The following TULP4 variants were observed in gnomAD, a reference collection of about 807,000 sequenced individuals.
TULP4 encodes the protein tubby-related protein 4.
TULP4 carries 16 observed loss-of-function variants against 129.0 expected under a neutral mutation model. That is an observed-to-expected ratio of 0.12 (90% CI 0.08 to 0.19). The LOEUF is 0.19. TULP4 is among the 10% of genes least tolerant of loss of function. TULP4 has a pLI of 1.00. For missense variants in TULP4, 1,842 were observed against 2,059.1 expected (o/e 0.89, Z 2.04); for synonymous variants, 998 against 854.0 (o/e 1.17, Z -2.94).
In TULP4 at chr6:158,507,644, C is replaced by G. The variant is rs991527618; in HGVS notation, c.*950C>G. ...AGATCCTCACATGCTGAGAAACAGC[C>G]TCTACTCTCTCTGCCCCTTTTACTT... On this transcript the variant is annotated 3_prime_UTR_variant, in exon 14 of 14. Coordinates refer to ENST00000367097, the MANE Select transcript of TULP4 (RefSeq NM_020245.5). The G allele has an allele frequency of 6.6e-6, 1 of 152,142 alleles. No homozygotes were observed. The allele number at this position is 152,142 out of a possible 1,614,324, so 9.4% of individuals were successfully genotyped here.
intron 9 of TULP4, among the ~76,000 whole-genome samples, chr6:158,492,099 C>T (rs1780225025): frequency 1.3e-5 from 2 of 152,292 alleles, no homozygotes; most frequent in Middle Eastern, 3.4e-3. Context: ...ACCTTGTGAT[C>T]CGCCCGCCTT....
rs1307935162 is a variant in TULP4 at position 158,316,294 on chromosome 6, A to G, written c.252+2026A>G. Among the ~76,000 whole-genome samples the G allele has an allele frequency of 2.0e-5, 3 of 152,074 alleles. No homozygotes were observed. The East Asian group carries it at 5.8e-4, about 29-fold the overall frequency. The stretch of plus-strand genomic sequence containing the variant: ...TGTGCATTCAGAAGGTGGAATTTCT[A>G]AGTCATAGTGTTGCATGTGTTTAGG... On this transcript the variant is annotated intron_variant, in intron 1 of 13. Coordinates refer to ENST00000367097, the MANE Select transcript of TULP4 (RefSeq NM_020245.5).
At chr6:158,351,308 T>C (rs997847786) in intron 1 of TULP4, among the ~76,000 whole-genome samples, 3 of 152,208 alleles carry the variant, frequency 2.0e-5, no homozygotes, top group Non-Finnish European at 2.9e-5. Context: ...GATGAGCATT[T>C]CTTAGCCTTG....
chr6:158,271,400 G>A (rs991882749), intron 1 of TULP4, among the ~76,000 whole-genome samples: 25 of 151,780 alleles, frequency 1.6e-4, no homozygotes, highest in African/African-American at 5.8e-4. Flanking sequence ...TTTGTCTCTT[G>A]TAGCTCAGAT....
intron 1 of TULP4, among the ~76,000 whole-genome samples, chr6:158,392,211 T>C (rs1777599408): frequency 1.3e-5 from 2 of 152,110 alleles, no homozygotes; most frequent in Admixed American, 6.5e-5. Context: ...ACTAATCTTT[T>C]TAAAACCATC....
chr6:158,273,459 C>T (rs1434622875), intron 1 of TULP4, among the ~76,000 whole-genome samples: 2 of 152,122 alleles, frequency 1.3e-5, no homozygotes, highest in Admixed American at 1.3e-4. Context: ...ACCTTTATGT[C>T]GATGACACTG....
chr6:158,496,198 G>A (rs185274055), intron 11 of TULP4, among the ~76,000 whole-genome samples: 30 of 152,322 alleles, frequency 2.0e-4, no homozygotes, highest in Middle Eastern at 6.8e-3. Context: ...TGTCGTACAC[G>A]TCTGTCTGCA....
At chr6:158,301,856 G>A (rs4292552) in intron 1 of TULP4, among the ~76,000 whole-genome samples, 26,269 of 144,202 alleles carry the variant, frequency 0.18, 2,706 homozygotes, top group Middle Eastern at 0.24. Flanking sequence ...TAGATGGCGC[G>A]TATGTTGAAA....
chr6:158,510,041 C>T lies in TULP4; in HGVS notation c.*3347C>T, dbSNP rs888656161. The T allele has an allele frequency of 1.4e-4, 21 of 152,526 alleles. No individual in the cohort carries two copies. Among genetic ancestry groups the T allele is most frequent in the Admixed American group, 2.6e-4 (4 of 15,276 alleles). The allele number at this position is 152,526 out of a possible 1,614,324, so 9.4% of individuals were successfully genotyped here. ...GGTTAACTGTATAAAGAATCTATGA[C>T]TTTTTGAGGGAAGTGTGATATATTA... On this transcript the variant is annotated 3_prime_UTR_variant, in exon 14 of 14. Transcript: ENST00000367097.
At chr6:158,288,183 A>C (rs1454473992) in intron 1 of TULP4, among the ~76,000 whole-genome samples, 1 of 152,184 alleles carries the variant, frequency 6.6e-6, no homozygotes, top group African/African-American at 2.4e-5. Context: ...AAATGACATA[A>C]CATTTATGAA....
rs1167977164 is a variant in TULP4 at position 158,238,870 on chromosome 6, CCCCACCTTT to C, written n.68+6571_68+6579del. ...CAACCATCCGATTTCTCAATCTTTT[CCCCACCTTT>C]CCCGCCTTTCTATTCCACAAAGCCG... is the stretch of plus-strand genomic sequence containing the variant. On this transcript the variant is annotated intron_variant and non_coding_transcript_variant, in intron 1 of 1. Transcript: ENST00000620026. 2.1e-3 allele frequency among the ~76,000 whole-genome samples: 207 copies of C among 98,890 alleles called. 3 individuals carry two copies. Among genetic ancestry groups the C allele is most frequent in the African/African-American group, 7.0e-3 (205 of 29,238 alleles). 64.9% of individuals were successfully genotyped at this position (98,890 alleles called of 152,430 possible).
Position 158,343,594 on chromosome 6 carries a change from C to A in TULP4, c.252+29326C>A, listed in dbSNP as rs566460591. ...TGAGGATACAAGGAGAAGGTGGCCA[C>A]CTGCAGTCCAGAAAAGAGCCCTTGT... On this transcript the variant is annotated intron_variant, in intron 1 of 13. Transcript: ENST00000367097. Among the ~76,000 whole-genome samples, 8 of 152,214 alleles carry A rather than the reference C, an allele frequency of 5.3e-5. No homozygotes were observed. The East Asian group carries it at 1.6e-3, about 30-fold the overall frequency.
intron 1 of TULP4, among the ~76,000 whole-genome samples, chr6:158,290,239 A>G (rs928232860): frequency 4.6e-5 from 7 of 152,176 alleles, no homozygotes; most frequent in African/African-American, 1.7e-4. Context: ...GGGTGAGAAG[A>G]CATCTGCTTG....
At chr6:158,258,963 C>T (rs1275484716) in intron 1 of TULP4, among the ~76,000 whole-genome samples, 33 of 152,326 alleles carry the variant, frequency 2.2e-4, no homozygotes, top group Admixed American at 2.2e-3. Context: ...GGTATAGTGG[C>T]TCATGCCTGT....
chr6:158,481,734 A>G (rs943860215), intron 8 of TULP4, among the ~76,000 whole-genome samples: 1 of 152,184 alleles, frequency 6.6e-6, no homozygotes, highest in African/African-American at 2.4e-5. Flanking sequence ...TCTACTGTTA[A>G]CTGCTTTTTA....
upstream of TULP4, among the ~76,000 whole-genome samples, chr6:158,310,990 C>T (rs1308481037): frequency 6.6e-6 from 1 of 151,610 alleles, no homozygotes; most frequent in Admixed American, 6.6e-5. Context: ...TAATCTATGA[C>T]TACTGGTGCA....
At chr6:158,428,918 G>A (rs341103) in intron 2 of TULP4, among the ~76,000 whole-genome samples, 63,874 of 152,052 alleles carry the variant, frequency 0.42, 13,843 homozygotes, top group South Asian at 0.56. Context: ...ATGAATTAAT[G>A]TACATGAAAC....
intron 3 of TULP4, among the ~76,000 whole-genome samples, chr6:158,443,592 ATCT>A (rs1179660165): frequency 1.3e-5 from 2 of 152,322 alleles, no homozygotes; most frequent in South Asian, 2.1e-4. Flanking sequence ...GAGGCAGAAT[ATCT>A]TCTTCTCCGA....
At chr6:158,450,235 C>T (rs926006564) in intron 4 of TULP4, among the ~76,000 whole-genome samples, 1 of 152,146 alleles carries the variant, frequency 6.6e-6, no homozygotes, top group African/African-American at 2.4e-5. Context: ...GCTTACACTG[C>T]TGTGTGCCCT....
Sources: allele counts gnomAD v4.1 joint callset (sites outside exome capture counted in the v4.1 genomes callset), GRCh38; gene constraint gnomAD v4.1.1; transcripts MANE v1.5; gene names NCBI Gene and HGNC (gene_info 2026-07-23, HGNC 2026-07-21).